The following ANKRD13C variants were observed in gnomAD, a reference collection of about 807,000 sequenced individuals.
The protein encoded by ANKRD13C is ankyrin repeat domain 13C, also known as ankyrin repeat domain-containing protein 13C.
Under a neutral mutation model 65.5 loss-of-function variants are expected in ANKRD13C, and 16 were observed. That is an observed-to-expected ratio of 0.24 (90% CI 0.17 to 0.37). The LOEUF (loss-of-function observed/expected upper bound fraction) is 0.37, where lower values mean the gene tolerates loss of function less well. Among genes scored for constraint, ANKRD13C ranks in the 10% least tolerant of loss-of-function variants. The pLI, the probability that ANKRD13C is intolerant of heterozygous loss-of-function variation, is 1.00. For synonymous variants in ANKRD13C, 235 were observed against 238.7 expected (o/e 0.98, Z 0.14); for missense variants, 503 against 655.9 (o/e 0.77, Z 2.55).
Position 70,262,667 on chromosome 1 carries a change from G to A in ANKRD13C, c.*50C>T. 1.9e-6 allele frequency: 3 copies of A among 1,579,220 alleles called. No individual in the cohort carries two copies. The highest frequency in any genetic ancestry group is 1.7e-6 in the Non-Finnish European group (2 of 1,160,828). ...CCCTTCTATTTGGATCCACTTCTAGGGTCTCTGTATTTTCTTTCCTTGGTT... is the reference window on the plus strand; with the variant it reads ...CCCTTCTATTTGGATCCACTTCTAGAGTCTCTGTATTTTCTTTCCTTGGTT... On this transcript the variant is annotated 3_prime_UTR_variant, in exon 13 of 13. Coordinates refer to ENST00000370944, the MANE Select transcript of ANKRD13C (RefSeq NM_030816.5).
In ANKRD13C at chr1:70,341,373, T is replaced by C. The variant is rs201154860; in HGVS notation, c.431-5274A>G. Among the ~76,000 whole-genome samples the C allele has an allele frequency of 1.1e-4, 17 of 150,234 alleles. No homozygotes were observed. The East Asian group carries it at 3.1e-3, about 28-fold the overall frequency. On this transcript the variant is annotated intron_variant, in intron 1 of 12. Coordinates refer to ENST00000370944, the MANE Select transcript of ANKRD13C (RefSeq NM_030816.5). ...ACCATCTTTTTGTGTGTTTTTTTTT[T>C]TTTTTTTTTGAGAAGTTTCATTCTG...
At chr1:70,332,429 A>T (rs1389125508) in intron 2 of ANKRD13C, among the ~76,000 whole-genome samples, 1 of 152,146 alleles carries the variant, frequency 6.6e-6, no homozygotes, top group Non-Finnish European at 1.5e-5. Flanking sequence ...CTGTACTTCA[A>T]TGGATGCAAA....
chr1:70,317,110 G>A (rs1337512240), intron 3 of ANKRD13C, among the ~76,000 whole-genome samples: 1 of 151,926 alleles, frequency 6.6e-6, no homozygotes, highest in Non-Finnish European at 1.5e-5. Flanking sequence ...ATCTAGGGAA[G>A]CATGTAAAAA....
At chr1:70,293,220 C>T (rs1387802271) in intron 8 of ANKRD13C, among the ~76,000 whole-genome samples, 1 of 152,024 alleles carries the variant, frequency 6.6e-6, no homozygotes, top group Non-Finnish European at 1.5e-5. Context: ...TCCTCTTAAA[C>T]CTTCAACATT....
chr1:70,264,475 C>CA (rs57312096), intron 12 of ANKRD13C, among the ~76,000 whole-genome samples: 7,049 of 48,732 alleles, frequency 0.14, 801 homozygotes, highest in Non-Finnish European at 0.2. Context: ...GACTCTATCT[C>CA]AAAAAAAAAA....
chr1:70,336,188 T>C (rs1572163069), intron 1 of ANKRD13C, 89 bp from the exon 2 acceptor site: 2 of 300,068 alleles, frequency 6.7e-6, no homozygotes, highest in East Asian at 1.6e-4. Flanking sequence ...CTTCAGAAAT[T>C]TCACTGGCAG....
chr1:70,306,255 A>G lies in ANKRD13C; in HGVS notation c.745T>C (p.Cys249Arg), dbSNP rs1394769619. 1 of 1,583,638 alleles carries G rather than the reference A, an allele frequency of 6.3e-7. No homozygotes were observed. Among genetic ancestry groups the G allele is most frequent in the Admixed American group, 1.7e-5 (1 of 58,066 alleles). The change falls in exon 6 of 13, where the codon TGT becomes CGT. Residue 249 changes from cysteine (C) to arginine (R), a missense_variant. Physicochemically the swap from Cys to Arg is radical, Grantham distance 180. Transcript: ENST00000370944. ...TTGATACCTTGTTTGTATATTTTAC[A>G]TGCATCGGAAGGCAGAATTCGGGAA... is the stretch of plus-strand genomic sequence containing the variant. ...LLSRILPSDA[C>R]KIYKQGINIR...
At chr1:70,265,759 A>C (rs1678588435) in intron 12 of ANKRD13C, among the ~76,000 whole-genome samples, 1 of 147,358 alleles carries the variant, frequency 6.8e-6, no homozygotes, top group African/African-American at 2.5e-5. Flanking sequence ...TGGTAAGCAG[A>C]AGTTGCAGTG....
intron 5 of ANKRD13C, among the ~76,000 whole-genome samples, chr1:70,309,974 T>G (rs967157160): frequency 2.0e-5 from 3 of 152,072 alleles, no homozygotes; most frequent in African/African-American, 7.2e-5. Flanking sequence ...GGTGGGGTAG[T>G]TAGTATTATC....
intron 11 of ANKRD13C, among the ~76,000 whole-genome samples, chr1:70,273,251 C>T (rs1050070086): frequency 7.2e-5 from 11 of 151,956 alleles, no homozygotes; most frequent in East Asian, 3.9e-4. Flanking sequence ...CTCTCTTCTC[C>T]GATCATTTTT....
At chr1:70,331,704 TC>T (rs1681806532) in intron 2 of ANKRD13C, among the ~76,000 whole-genome samples, 1 of 149,474 alleles carries the variant, frequency 6.7e-6, no homozygotes, top group African/African-American at 2.5e-5. Context: ...TAGCCTGTAA[TC>T]CCAGCTACTA....
At chr1:70,298,757 TG>T (rs1680199734) in intron 7 of ANKRD13C, among the ~76,000 whole-genome samples, 1 of 152,228 alleles carries the variant, frequency 6.6e-6, no homozygotes, top group African/African-American at 2.4e-5. Context: ...TATAATCAGC[TG>T]CCTGTTTTTA....
In ANKRD13C at chr1:70,261,695, T is replaced by C. The variant is rs1482400906; in HGVS notation, c.*1022A>G. 2 of 152,552 alleles carry C rather than the reference T, an allele frequency of 1.3e-5. No individual in the cohort carries two copies. The highest frequency in any genetic ancestry group is 2.9e-5 in the Non-Finnish European group (2 of 67,966). 9.4% of individuals were successfully genotyped at this position (152,552 alleles called of 1,614,324 possible). On this transcript the variant is annotated 3_prime_UTR_variant, in exon 13 of 13. Coordinates refer to ENST00000370944, the MANE Select transcript of ANKRD13C (RefSeq NM_030816.5). ...GTAACAAATATATTCTGTTAGCATA[T>C]AAAATGTTTTTATCTTATTTTGAAA... is the stretch of plus-strand genomic sequence containing the variant.
intron 1 of ANKRD13C, among the ~76,000 whole-genome samples, chr1:70,349,188 A>T (rs1682646447): frequency 6.6e-6 from 1 of 152,218 alleles, no homozygotes. Flanking sequence ...TCCTTTGCCA[A>T]ACTATCAATG....
Position 70,306,293 on chromosome 1 carries a change from G to A in ANKRD13C, c.710-3C>T. ...CAGAATTCGGGAAAGTAAAGGCACTGTATTTTTAAAAACAAAAGGTAAAAA... is the reference window on the plus strand; with the variant it reads ...CAGAATTCGGGAAAGTAAAGGCACTATATTTTTAAAAACAAAAGGTAAAAA... On this transcript the variant is annotated splice_polypyrimidine_tract_variant and splice_region_variant and intron_variant, in intron 5 of 12. Transcript: ENST00000370944. 1.3e-6 allele frequency: 2 copies of A among 1,529,858 alleles called. No homozygotes were observed. The highest frequency in any genetic ancestry group is 1.4e-5 in the South Asian group (1 of 73,692). The allele number at this position is 1,529,858 out of a possible 1,614,324, so 94.8% of individuals were successfully genotyped here.
At chr1:70,281,927 G>A (rs1288082511) in intron 9 of ANKRD13C, among the ~76,000 whole-genome samples, 2 of 151,226 alleles carry the variant, frequency 1.3e-5, no homozygotes, top group Admixed American at 6.6e-5. Context: ...TTGAACCCAG[G>A]AGGCAGAGGT....
In ANKRD13C at chr1:70,270,686, C is replaced by T. The variant is rs139014210; in HGVS notation, c.1495+170G>A. 2.6e-5 allele frequency among the ~76,000 whole-genome samples: 4 copies of T among 152,320 alleles called. No homozygotes were observed. In the East Asian group the frequency reaches 7.7e-4, roughly 29 times the overall value. On this transcript the variant is annotated intron_variant, in intron 12 of 12. Coordinates refer to ENST00000370944, the MANE Select transcript of ANKRD13C (RefSeq NM_030816.5). ...GAGGCAGAGCTCAGGCGGCAATGCT[C>T]ACTAGCCTGCCGCTCAGCTCATCTC...
At chr1:70,309,047 CTT>C (rs35526526) in intron 5 of ANKRD13C, among the ~76,000 whole-genome samples, 20 of 137,858 alleles carry the variant, frequency 1.5e-4, no homozygotes, top group East Asian at 4.3e-4. Flanking sequence ...TCTTTCTTTC[CTT>C]TTTTTTTTTT....
chr1:70,263,667 G>C (rs1269525985), intron 12 of ANKRD13C, among the ~76,000 whole-genome samples: 1 of 152,150 alleles, frequency 6.6e-6, no homozygotes, highest in African/African-American at 2.4e-5. Context: ...ACTCTGAAAT[G>C]AGGTTGGGTG....
Sources: allele counts gnomAD v4.1 joint callset (sites outside exome capture counted in the v4.1 genomes callset), GRCh38; gene constraint gnomAD v4.1.1; transcripts MANE v1.5; gene names NCBI Gene and HGNC (gene_info 2026-07-23, HGNC 2026-07-21).